CENPQ: variants seen among roughly 807,000 people sequenced by gnomAD.
CENPQ encodes centromere protein Q, also known as chromosome 6 open reading frame 139.
Under a neutral mutation model 36.6 loss-of-function variants are expected in CENPQ, and 27 were observed. The ratio of observed to expected loss-of-function variants is 0.74; its 90% CI spans 0.54 to 1.02. The LOEUF (loss-of-function observed/expected upper bound fraction) is 1.02. CENPQ is among the 50% of genes least tolerant of loss of function. The pLI is 0.00. For synonymous variants in CENPQ, 101 were observed against 101.7 expected (o/e 0.99, Z 0.04); for missense variants, 306 against 301.8 (o/e 1.01, Z -0.10).
chr6:49,488,006 A>G (rs1437128241), intron 6 of CENPQ, among the ~76,000 whole-genome samples: 2 of 152,186 alleles, frequency 1.3e-5, no homozygotes, highest in Non-Finnish European at 2.9e-5. Context: ...TGCTTAAGGA[A>G]GGTTGCTGTA....
chr6:49,466,446 G>A (rs957343343), intron 1 of CENPQ, among the ~76,000 whole-genome samples: 7 of 152,174 alleles, frequency 4.6e-5, no homozygotes, highest in African/African-American at 7.2e-5. Context: ...GCTCAATAAA[G>A]TGAAACACAA....
rs562018947 is a variant in CENPQ at position 49,470,051 on chromosome 6, A to G, written c.-18-108A>G. 61 of 533,798 alleles carry G rather than the reference A, an allele frequency of 1.1e-4. 1 individual carries two copies. Among genetic ancestry groups the G allele is most frequent in the Admixed American group, 7.4e-4 (19 of 25,766 alleles). The allele number at this position is 533,798 out of a possible 1,614,324, so 33.1% of individuals were successfully genotyped here. ...TGATTTTTCTTTAAAAAAAAAAAAA[A>G]AGAGAATGTGGAACATTTACAGGAT... On this transcript the variant is annotated intron_variant, in intron 1 of 8. Transcript: ENST00000335783.
intron 5 of CENPQ, among the ~76,000 whole-genome samples, chr6:49,478,411 C>A (rs1013523963): frequency 2.0e-5 from 3 of 152,090 alleles, no homozygotes; most frequent in African/African-American, 7.2e-5. Flanking sequence ...ATTTCATTTT[C>A]TTTAACCTAG....
intron 1 of CENPQ, 48 bp from the exon 2 acceptor site, chr6:49,470,111 C>CT: frequency 8.6e-6 from 7 of 810,718 alleles, no homozygotes; most frequent in Middle Eastern, 3.3e-4. Context: ...AAGGCTTTAG[C>CT]TTTTTTTGTA....
At position 49,481,918 on chromosome 6, in the gene CENPQ, G is replaced by C. The variant is rs187154893; in HGVS notation, c.477+838G>C. On this transcript the variant is annotated intron_variant, in intron 6 of 8. Transcript: ENST00000335783. ...AGGCTTGGGCTGCACAGGAGCCCAC[G>C]GAGGAGGGAGGCTCAGGCATGGCGG... 2.9e-3 allele frequency among the ~76,000 whole-genome samples: 437 copies of C among 152,298 alleles called. 1 individual carries two copies. Among genetic ancestry groups the C allele is most frequent in the African/African-American group, 6.8e-3 (283 of 41,570 alleles).
Position 49,472,190 on chromosome 6 carries a change from A to T in CENPQ, c.278+7A>T. ...TGATGGAATCAGTAATAATGTGAGT[A>T]TAAAATTGTTCCATTTCATTCTTTT... On this transcript the variant is annotated splice_region_variant and intron_variant, in intron 4 of 8. Coordinates refer to ENST00000335783, the MANE Select transcript of CENPQ (RefSeq NM_018132.4). The T allele has an allele frequency of 6.3e-7, 1 of 1,591,362 alleles. No individual in the cohort carries two copies. The highest frequency in any genetic ancestry group is 8.5e-7 in the Non-Finnish European group (1 of 1,170,058).
At chr6:49,467,683 A>T (rs996284168) in intron 1 of CENPQ, among the ~76,000 whole-genome samples, 1 of 152,208 alleles carries the variant, frequency 6.6e-6, no homozygotes, top group Non-Finnish European at 1.5e-5. Flanking sequence ...AGTAGCGCTA[A>T]ATTACATGTT....
chr6:49,470,709 G>A (rs1017159165), intron 2 of CENPQ, among the ~76,000 whole-genome samples: 3 of 151,460 alleles, frequency 2.0e-5, no homozygotes, highest in Non-Finnish European at 4.4e-5. Context: ...TATTTCTTAG[G>A]CAAAGTGAGT....
At chr6:49,468,465 G>T (rs964003821) in intron 1 of CENPQ, among the ~76,000 whole-genome samples, 1 of 151,960 alleles carries the variant, frequency 6.6e-6, no homozygotes, top group African/African-American at 2.4e-5. Context: ...GTGGTGGGGG[G>T]TGCCTGTAGT....
At chr6:49,488,537 T>G (rs1051840394) in intron 7 of CENPQ, 66 bp downstream of exon 7, 19 of 1,595,828 alleles carry the variant, frequency 1.2e-5, no homozygotes, top group Non-Finnish European at 1.5e-5. Flanking sequence ...TATGCAAAGA[T>G]AACTTTCGAG....
intron 3 of CENPQ, among the ~76,000 whole-genome samples, chr6:49,471,524 A>G (rs545570779): frequency 6.6e-6 from 1 of 152,178 alleles, no homozygotes; most frequent in Non-Finnish European, 1.5e-5. Flanking sequence ...ATAGTGTACA[A>G]TACTTTTTTT....
chr6:49,466,947 G>C (rs1322861914), intron 1 of CENPQ, among the ~76,000 whole-genome samples: 1 of 152,152 alleles, frequency 6.6e-6, no homozygotes, highest in African/African-American at 2.4e-5. Flanking sequence ...CTCAACCTGG[G>C]TTGATTTTGA....
rs2127423701 is a variant in CENPQ, at chr6:49,470,294, A to G, written c.102+16A>G. Reference sequence around the variant, plus strand: ...AGAGAATAAGGTAATGAAAATATCAAGTTTCTCATTTAGAAATCTTCAACT... The same window carrying G: ...AGAGAATAAGGTAATGAAAATATCAGGTTTCTCATTTAGAAATCTTCAACT... On this transcript the variant is annotated intron_variant, in intron 2 of 8. Coordinates refer to ENST00000335783, the MANE Select transcript of CENPQ (RefSeq NM_018132.4). The G allele has an allele frequency of 6.7e-7, 1 of 1,493,904 alleles. No homozygotes were observed. The highest frequency in any genetic ancestry group is 9.3e-7 in the Non-Finnish European group (1 of 1,078,230). The allele number at this position is 1,493,904 out of a possible 1,614,324, so 92.5% of individuals were successfully genotyped here.
chr6:49,473,523 C>G (rs1019174434), intron 5 of CENPQ, among the ~76,000 whole-genome samples: 4 of 152,046 alleles, frequency 2.6e-5, no homozygotes, highest in African/African-American at 9.7e-5. Context: ...GAAGGAAGCA[C>G]TAAACATGGA....
chr6:49,475,812 C>A (rs1768273777), intron 5 of CENPQ, among the ~76,000 whole-genome samples: 1 of 152,124 alleles, frequency 6.6e-6, no homozygotes, highest in Non-Finnish European at 1.5e-5. Context: ...CATGAGTGAA[C>A]TCCCATTCAC....
intron 5 of CENPQ, among the ~76,000 whole-genome samples, chr6:49,473,073 T>C (rs1158921906): frequency 6.6e-6 from 1 of 152,072 alleles, no homozygotes; most frequent in African/African-American, 2.4e-5. Context: ...ACCCTGAAAA[T>C]CACGAAATTC....
intron 5 of CENPQ, among the ~76,000 whole-genome samples, chr6:49,475,807 G>A (rs1768273735): frequency 6.6e-6 from 1 of 152,090 alleles, no homozygotes; most frequent in Admixed American, 6.6e-5. Flanking sequence ...CAAATCATGA[G>A]TGAACTCCCA....
At chr6:49,484,094 T>C (rs1368776501) in intron 6 of CENPQ, among the ~76,000 whole-genome samples, 1 of 152,236 alleles carries the variant, frequency 6.6e-6, no homozygotes, top group African/African-American at 2.4e-5. Flanking sequence ...TGGAAATTTT[T>C]CTGACCTGTG....
At chr6:49,487,488 A>G (rs982211436) in intron 6 of CENPQ, among the ~76,000 whole-genome samples, 1 of 139,914 alleles carries the variant, frequency 7.1e-6, no homozygotes, top group African/African-American at 2.6e-5. Context: ...AAGCCAAAAT[A>G]TATTTCTTGA....
Sources: gnomAD v4.1 joint callset for allele counts (sites outside exome capture counted in the v4.1 genomes callset) on GRCh38, gnomAD v4.1.1 for gene constraint, MANE v1.5 for transcripts, NCBI Gene and HGNC (gene_info 2026-07-23, HGNC 2026-07-21) for gene names.